The following CTNNA2 variants were observed in gnomAD, a reference collection of about 807,000 sequenced individuals.
The protein encoded by CTNNA2 is catenin alpha 2, also known as catenin alpha-2.
In CTNNA2, 42 loss-of-function variants were observed where a neutral mutation model predicts 101.0. The ratio of observed to expected loss-of-function variants is 0.42; its 90% CI spans 0.32 to 0.54. The LOEUF is 0.54. Among genes scored for constraint, CTNNA2 ranks in the 20% least tolerant of loss-of-function variants. The pLI is 0.14. For missense variants in CTNNA2, 871 were observed against 1,223.1 expected, an observed-to-expected ratio of 0.71 and a Z score of 4.29; for synonymous variants, 450 against 456.4, an observed-to-expected ratio of 0.99 and a Z score of 0.18.
At chr2:79,294,512 G>A (rs1160818600) in intron 2 of CTNNA2, among the ~76,000 whole-genome samples, 4 of 152,014 alleles carry the variant, frequency 2.6e-5, no homozygotes, top group African/African-American at 7.2e-5. Context: ...CAGAAACATA[G>A]CAAGTATTCA....
chr2:80,102,954 C>T (rs12472249), intron 7 of CTNNA2, among the ~76,000 whole-genome samples: 10,463 of 152,216 alleles, frequency 0.069, 363 homozygotes, highest in Middle Eastern at 0.082. Context: ...TGCAATGTGA[C>T]GTGAGTTCTA....
At chr2:79,375,837 T>A (rs1315368837) in intron 4 of CTNNA2, among the ~76,000 whole-genome samples, 1 of 152,168 alleles carries the variant, frequency 6.6e-6, no homozygotes, top group Non-Finnish European at 1.5e-5. Context: ...CAGGCCATTT[T>A]ACCCAAACTC....
Position 79,344,037 on chromosome 2 carries a change from G to A in CTNNA2, c.-317-29794G>A, listed in dbSNP as rs114939159. ...ACCTCCTTTGTATGTAGGACGCCGA[G>A]CCCTGCCTTCATGCTCTCTTGTAGG... is the stretch of plus-strand genomic sequence containing the variant. On this transcript the variant is annotated intron_variant, in intron 3 of 21. Coordinates refer to the CTNNA2 transcript ENST00000466387. 4.7e-3 allele frequency among the ~76,000 whole-genome samples: 714 copies of A among 152,206 alleles called. 4 individuals carry two copies. The highest frequency in any genetic ancestry group is 0.016 in the African/African-American group (678 of 41,524).
In CTNNA2 at chr2:80,013,514, C is replaced by T. The variant is rs115242779; in HGVS notation, c.1056+103717C>T. 5.6e-3 allele frequency among the ~76,000 whole-genome samples: 847 copies of T among 152,286 alleles called. 8 individuals carry two copies. Among genetic ancestry groups the T allele is most frequent in the African/African-American group, 0.019 (789 of 41,556 alleles). ...TTTCCCCTACATCACACTGAACTTA[C>T]ACTAACCTGCTTTATCCATACTTCT... On this transcript the variant is annotated intron_variant, in intron 7 of 18. Transcript: ENST00000402739.
intron 9 of CTNNA2, among the ~76,000 whole-genome samples, chr2:80,500,684 C>A (rs1407940005): frequency 6.6e-6 from 1 of 152,174 alleles, no homozygotes; most frequent in Non-Finnish European, 1.5e-5. Context: ...CTTTCTCTCT[C>A]CCTCCCCCTC....
At chr2:80,126,317 G>A (rs1702105433) in intron 7 of CTNNA2, among the ~76,000 whole-genome samples, 1 of 152,080 alleles carries the variant, frequency 6.6e-6, no homozygotes, top group South Asian at 2.1e-4. Flanking sequence ...CTGTTTTAAA[G>A]CACTGCCATT....
chr2:79,991,178 A>G (rs1692151510), intron 7 of CTNNA2, among the ~76,000 whole-genome samples: 1 of 151,860 alleles, frequency 6.6e-6, no homozygotes, highest in Non-Finnish European at 1.5e-5. Flanking sequence ...CTTCTTTATT[A>G]GTCTTGCTAG....
intron 7 of CTNNA2, among the ~76,000 whole-genome samples, chr2:80,091,314 C>T (rs1360969499): frequency 1.3e-5 from 2 of 152,022 alleles, no homozygotes; most frequent in South Asian, 2.1e-4. Context: ...GTTTAAGGGC[C>T]ATTGTCCACT....
At chr2:79,799,384 G>A (rs190175491) in intron 3 of CTNNA2, among the ~76,000 whole-genome samples, 12 of 152,108 alleles carry the variant, frequency 7.9e-5, no homozygotes, top group Non-Finnish European at 2.9e-5. Flanking sequence ...CTCCACAGAT[G>A]CAGACTGAAG....
intron 7 of CTNNA2, among the ~76,000 whole-genome samples, chr2:80,248,457 C>T (rs1671503661): frequency 6.6e-6 from 1 of 152,206 alleles, no homozygotes; most frequent in South Asian, 2.1e-4. Flanking sequence ...GCTGTAACAT[C>T]TAACTAAGGG....
intron 2 of CTNNA2, among the ~76,000 whole-genome samples, chr2:79,206,993 A>G (rs1674108397): frequency 6.6e-6 from 1 of 152,128 alleles, no homozygotes; most frequent in Admixed American, 6.5e-5. Flanking sequence ...ACAGTATCAC[A>G]TCTCTTCCCT....
At chr2:79,357,244 TAAGC>T (rs1285215756) in intron 3 of CTNNA2, among the ~76,000 whole-genome samples, 1 of 152,140 alleles carries the variant, frequency 6.6e-6, no homozygotes, top group African/African-American at 2.4e-5. Context: ...GAAAATTGCT[TAAGC>T]CTAGGAGGTC....
At chr2:79,940,150 A>G (rs1054801666) in intron 7 of CTNNA2, among the ~76,000 whole-genome samples, 4 of 152,244 alleles carry the variant, frequency 2.6e-5, no homozygotes, top group African/African-American at 7.2e-5. Flanking sequence ...AGAAAAGTCA[A>G]TATAGAATCT....
intron 4 of CTNNA2, among the ~76,000 whole-genome samples, chr2:79,451,667 G>A (rs1404683281): frequency 6.6e-6 from 1 of 151,630 alleles, no homozygotes; most frequent in Non-Finnish European, 1.5e-5. Flanking sequence ...AGTAGACAAG[G>A]ATATCAGTTT....
intron 3 of CTNNA2, among the ~76,000 whole-genome samples, chr2:79,326,039 G>A (rs1676738180): frequency 6.6e-6 from 1 of 152,104 alleles, no homozygotes; most frequent in Admixed American, 6.6e-5. Context: ...AAGCTGTTGG[G>A]TTTTTGTAGA....
chr2:80,017,875 C>T (rs1694266989), intron 7 of CTNNA2, among the ~76,000 whole-genome samples: 1 of 151,776 alleles, frequency 6.6e-6, no homozygotes, highest in South Asian at 2.1e-4. Context: ...AGATCTTCCA[C>T]AAGTCACTTA....
intron 7 of CTNNA2, among the ~76,000 whole-genome samples, chr2:80,279,180 A>T (rs1573582007): frequency 6.6e-6 from 1 of 151,982 alleles, no homozygotes; most frequent in African/African-American, 2.4e-5. Context: ...TTCCTGAGGC[A>T]AGAGACCTTG....
chr2:80,039,862 A>G lies in CTNNA2; in HGVS notation c.1056+130065A>G, dbSNP rs1695920768. On this transcript the variant is annotated intron_variant, in intron 7 of 18. Coordinates refer to ENST00000402739, the MANE Select transcript of CTNNA2 (RefSeq NM_001282597.3). ...TTGGTCTTAGCTAGATGTGGTCAGA[A>G]AAAAAGGTGAATAATTGTTTGGTAA... 4.6e-5 allele frequency among the ~76,000 whole-genome samples: 7 copies of G among 152,332 alleles called. No individual in the cohort carries two copies. The South Asian group carries it at 1.4e-3, about 32-fold the overall frequency.
intron 3 of CTNNA2, among the ~76,000 whole-genome samples, chr2:79,373,233 A>G (rs538273204): frequency 4.7e-4 from 71 of 152,336 alleles, no homozygotes; most frequent in African/African-American, 1.6e-3. Flanking sequence ...TTGCATCTTT[A>G]TCATCAGAGC....
Sources: allele counts gnomAD v4.1 joint callset (sites outside exome capture counted in the v4.1 genomes callset), GRCh38; gene constraint gnomAD v4.1.1; transcripts MANE v1.5; gene names NCBI Gene and HGNC (gene_info 2026-07-23, HGNC 2026-07-21).